Variants in LAMC3 observed in about 807,000 individuals in gnomAD.
LAMC3 encodes laminin subunit gamma-3.
LAMC3 carries 128 observed loss-of-function variants against 173.8 expected under a neutral mutation model. The ratio of observed to expected loss-of-function variants is 0.74; its 90% confidence interval spans 0.64 to 0.85. LAMC3 has a LOEUF of 0.85. Ranked by LOEUF, LAMC3 falls within the 40% of genes least tolerant of loss-of-function variation. The pLI is 0.00. For missense variants in LAMC3, 2,022 were observed against 2,156.0 expected, an observed-to-expected ratio of 0.94 and a Z score of 1.23; for synonymous variants, 897 against 909.1, an observed-to-expected ratio of 0.99 and a Z score of 0.24.
At chr9:131,047,382 G>T (rs1834191044) in intron 8 of LAMC3, among the ~76,000 whole-genome samples, 1 of 150,978 alleles carries the variant, frequency 6.6e-6, no homozygotes. Context: ...GGTCAGGCTG[G>T]TCTTGAACTC....
chr9:131,015,273 G>A (rs1419041312), intron 1 of LAMC3, among the ~76,000 whole-genome samples: 4 of 152,094 alleles, frequency 2.6e-5, no homozygotes, highest in Non-Finnish European at 4.4e-5. Context: ...AGGGCCCCCA[G>A]CCTTGCAGGT....
In LAMC3 at chr9:131,046,518, A is replaced by ATTTTTTTTTTTTTTTTTTTTTTTTTT. The variant is rs71501242; in HGVS notation, c.1519+859_1519+884dup. On this transcript the variant is annotated intron_variant, in intron 8 of 27. Coordinates refer to ENST00000361069, the MANE Select transcript of LAMC3 (RefSeq NM_006059.4). ...ACCACCATGCCGAGCTAATTTTTGTATTTTTTTTTTTTTTTTTTTTTTTTT... is the reference window on the plus strand; with the variant it reads ...ACCACCATGCCGAGCTAATTTTTGTATTTTTTTTTTTTTTTTTTTTTTTTTTTTTTTTTTTTTTTTTTTTTTTTTTT... Among the ~76,000 whole-genome samples, 45 of 49,164 alleles carry ATTTTTTTTTTTTTTTTTTTTTTTTTT rather than the reference A, an allele frequency of 9.2e-4. 10 individuals carry two copies. The highest frequency in any genetic ancestry group is 1.5e-3 in the Non-Finnish European group (42 of 27,382). The allele number at this position is 49,164 out of a possible 152,430, so 32.3% of individuals were successfully genotyped here.
rs892601746 is a variant in LAMC3 at position 131,025,342 on chromosome 9, C to T, written c.374-943C>T. ...CCCTCTACCACAGCCATCCTCCCTA[C>T]CCCAGCCTCCCAGGGTAGCTGAGTC... is the stretch of plus-strand genomic sequence containing the variant. On this transcript the variant is annotated intron_variant, in intron 1 of 27. Transcript: ENST00000361069. Among the ~76,000 whole-genome samples the T allele has an allele frequency of 2.0e-5, 3 of 152,308 alleles. No homozygotes were observed. In the East Asian group the frequency reaches 5.8e-4, roughly 29 times the overall value.
chr9:131,063,660 C>A (rs371640545), intron 13 of LAMC3, among the ~76,000 whole-genome samples: 1 of 152,178 alleles, frequency 6.6e-6, no homozygotes, highest in South Asian at 2.1e-4. Flanking sequence ...CCTTGCAGCC[C>A]CTCCCAGGAC....
At chr9:131,042,471 CCCT>C (rs1050817868) in intron 7 of LAMC3, among the ~76,000 whole-genome samples, 1 of 151,342 alleles carries the variant, frequency 6.6e-6, no homozygotes, top group African/African-American at 2.4e-5. Flanking sequence ...ACTATCACAA[CCCT>C]CCCTTTTCAC....
chr9:131,073,370 T>C, intron 20 of LAMC3, 49 bp downstream of exon 20: 1 of 1,440,320 alleles, frequency 6.9e-7, no homozygotes, highest in Non-Finnish European at 9.8e-7. Flanking sequence ...CTCCTGGGGG[T>C]TCCAGGGTCA....
chr9:131,073,374 A>G lies in LAMC3; in HGVS notation c.3494+53A>G, dbSNP rs1830070246. 7 of 1,408,060 alleles carry G rather than the reference A, an allele frequency of 5.0e-6. No individual in the cohort carries two copies. In the East Asian group the frequency reaches 1.6e-4, roughly 32 times the overall value. The allele number at this position is 1,408,060 out of a possible 1,614,324, so 87.2% of individuals were successfully genotyped here. A position where few individuals can be genotyped will look rare whatever the true frequency, so the allele number is the denominator to read the frequency against. ...ACCTGGCCCTTCTCCTGGGGGTTCC[A>G]GGGTCAGAGTCAGCCCCACAGGTGC... On this transcript the variant is annotated intron_variant, in intron 20 of 27. Transcript: ENST00000361069.
chr9:131,091,596 G>C lies in LAMC3; in HGVS notation c.4537G>C (p.Glu1513Gln). The change falls in exon 28 of 28, where the codon GAA (glutamate) becomes CAA (glutamine). Residue 1513 changes from glutamate (E) to glutamine (Q), a missense_variant. Coordinates refer to ENST00000361069, the MANE Select transcript of LAMC3 (RefSeq NM_006059.4). ...QALNETQWALERLRLQLGSPG... is the reference protein window; with the variant it reads ...QALNETQWALQRLRLQLGSPG... ...CCTGAACGAGACTCAGTGGGCACTAGAACGCCTGAGGCTGCAGCTGGGCTC... is the reference window on the plus strand; with the variant it reads ...CCTGAACGAGACTCAGTGGGCACTACAACGCCTGAGGCTGCAGCTGGGCTC... The C allele has an allele frequency of 6.3e-7, 1 of 1,592,464 alleles. No homozygotes were observed.
chr9:131,039,064 C>G lies in LAMC3; in HGVS notation c.1165+12C>G. On this transcript the variant is annotated intron_variant, in intron 5 of 27. Coordinates refer to ENST00000361069, the MANE Select transcript of LAMC3 (RefSeq NM_006059.4). ...CTGCCAGTCGGCAGGTGAGTGGACT[C>G]CACATCCCCAGCCTCCGACCCTCTC... is the stretch of plus-strand genomic sequence containing the variant. The G allele has an allele frequency of 6.2e-7, 1 of 1,612,912 alleles. No individual in the cohort carries two copies. Among genetic ancestry groups the G allele is most frequent in the South Asian group, 1.1e-5 (1 of 91,076 alleles).
At chr9:131,042,959 G>A (rs1834082667) in intron 7 of LAMC3, among the ~76,000 whole-genome samples, 1 of 143,414 alleles carries the variant, frequency 7.0e-6, no homozygotes, top group South Asian at 2.1e-4. Flanking sequence ...ATCACTGATG[G>A]CATACCCATG....
intron 24 of LAMC3, among the ~76,000 whole-genome samples, chr9:131,082,415 G>A (rs1034041825): frequency 2.0e-5 from 3 of 152,226 alleles, no homozygotes; most frequent in African/African-American, 7.2e-5. Flanking sequence ...TCCAGACCAA[G>A]TGAGAGGAGA....
At chr9:131,052,083 T>C (rs566765678) in intron 9 of LAMC3, among the ~76,000 whole-genome samples, 2 of 152,290 alleles carry the variant, frequency 1.3e-5, no homozygotes, top group Non-Finnish European at 2.9e-5. Context: ...GAGGTCCCGC[T>C]AAACTCCTGC....
intron 11 of LAMC3, among the ~76,000 whole-genome samples, chr9:131,054,199 A>G (rs1834354185): frequency 6.6e-6 from 1 of 152,128 alleles, no homozygotes. Context: ...CATGACAACC[A>G]ACATGTCCTC....
At chr9:131,053,623 G>A (rs760937161) in intron 11 of LAMC3, among the ~76,000 whole-genome samples, 17 of 152,076 alleles carry the variant, frequency 1.1e-4, no homozygotes, top group Non-Finnish European at 1.8e-4. Flanking sequence ...TCATGAAGTC[G>A]GGAGTTTGAG....
rs1216871063 is a variant in LAMC3 at position 131,009,917 on chromosome 9, GCC to G, written c.373+331_373+332del. Among the ~76,000 whole-genome samples, 4 of 152,030 alleles carry G rather than the reference GCC, an allele frequency of 2.6e-5. No homozygotes were observed. The highest frequency in any genetic ancestry group is 4.4e-5 in the Non-Finnish European group (3 of 68,018). Reference sequence around the variant, plus strand: ...GTCTGTAATCCCAGCACTTTGGGAGGCCGAGGCGGGCGGATCACCTGAGGTCA... The same window carrying G: ...GTCTGTAATCCCAGCACTTTGGGAGGGAGGCGGGCGGATCACCTGAGGTCA... On this transcript the variant is annotated intron_variant, in intron 1 of 27. Transcript: ENST00000361069. This position sits in a 1 kb window ranked among gnomAD's most constrained non-coding sequence, Gnocchi z 4.3.
chr9:131,037,057 C>T (rs1199974721), intron 4 of LAMC3, among the ~76,000 whole-genome samples: 1 of 152,218 alleles, frequency 6.6e-6, no homozygotes, highest in Admixed American at 6.5e-5. Flanking sequence ...GGGCCACTGG[C>T]GACCAGAACT....
chr9:131,060,949 G>T, intron 12 of LAMC3, 86 bp from the exon 13 acceptor site: 7 of 1,396,858 alleles, frequency 5.0e-6, no homozygotes, highest in Non-Finnish European at 7.1e-6. Flanking sequence ...TTCTGCCCGG[G>T]ATGTGCTCCC....
intron 3 of LAMC3, among the ~76,000 whole-genome samples, chr9:131,034,972 CAG>C (rs1413223803): frequency 7.3e-6 from 1 of 137,822 alleles, no homozygotes; most frequent in African/African-American, 2.9e-5. Context: ...ATTTTTGAGA[CAG>C]AGTTTTGCTC....
At chr9:131,079,967 A>T (rs533307868) in intron 23 of LAMC3, among the ~76,000 whole-genome samples, 23 of 152,228 alleles carry the variant, frequency 1.5e-4, no homozygotes, top group Admixed American at 9.2e-4. Context: ...AGCTGTACCG[A>T]TAATTTTGTT....
Sources: gnomAD v4.1 joint callset for allele counts (sites outside exome capture counted in the v4.1 genomes callset) on GRCh38, gnomAD v4.1.1 for gene constraint, Gnocchi (gnomAD v3.1) non-coding constraint, MANE v1.5 for transcripts, NCBI Gene and HGNC (gene_info 2026-07-23, HGNC 2026-07-21) for gene names.